Variants in UTP20 observed in about 807,000 individuals in gnomAD.
The protein encoded by UTP20 is small subunit processome component 20 homolog.
In UTP20, 164 loss-of-function variants were observed where a neutral mutation model predicts 329.5. That is an observed-to-expected ratio of 0.50 (90% confidence interval 0.44 to 0.57). UTP20 has a LOEUF of 0.57. UTP20 is among the 20% of genes least tolerant of loss of function. The pLI is 0.00. For missense variants in UTP20, 3,055 were observed against 3,284.2 expected (o/e 0.93, Z 1.71); for synonymous variants, 1,151 against 1,159.3 (o/e 0.99, Z 0.14).
chr12:101,304,152 A>C (rs1403702692), intron 15 of UTP20, among the ~76,000 whole-genome samples: 1 of 152,176 alleles, frequency 6.6e-6, no homozygotes, highest in Non-Finnish European at 1.5e-5. Context: ...TTTTGAGGGC[A>C]GGGGCATAAA....
intron 51 of UTP20, 66 bp downstream of exon 51, chr12:101,371,234 T>A: frequency 8.4e-7 from 1 of 1,184,816 alleles, no homozygotes; most frequent in South Asian, 1.5e-5. Flanking sequence ...GGCAGAGGTG[T>A]CAACACTGGC....
chr12:101,353,662 C>A (rs956812100), intron 40 of UTP20, among the ~76,000 whole-genome samples: 1 of 152,058 alleles, frequency 6.6e-6, no homozygotes, highest in Non-Finnish European at 1.5e-5. Context: ...CACCATAGCA[C>A]CACTGCCTTC....
intron 18 of UTP20, among the ~76,000 whole-genome samples, chr12:101,309,461 T>G (rs1235543272): frequency 6.6e-6 from 1 of 152,230 alleles, no homozygotes; most frequent in Non-Finnish European, 1.5e-5. Context: ...CAGCAACATT[T>G]GTTAGAAGGG....
At chr12:101,336,952 C>G in intron 29 of UTP20, among the ~76,000 whole-genome samples, 1 of 152,190 alleles carries the variant, frequency 6.6e-6, no homozygotes, top group East Asian at 1.9e-4. Flanking sequence ...ACTTTACTCG[C>G]AGTTGAAAGC....
At position 101,293,219 on chromosome 12, in the gene UTP20, A is replaced by T. The variant is rs1398770595; in HGVS notation, c.1225A>T (p.Met409Leu). 1.2e-6 allele frequency: 2 copies of T among 1,614,008 alleles called. No homozygotes were observed. The highest frequency in any genetic ancestry group is 2.7e-5 in the African/African-American group (2 of 74,948). The change falls in exon 11 of 62, where the codon ATG becomes TTG. Residue 409 changes from methionine (M) to leucine (L), a missense_variant. This residue lies in a region of UTP20 where 2,445 missense variants were observed against 2,575.5 expected (regional missense o/e 0.95). Transcript: ENST00000261637. Reference protein sequence around the residue: ...KRLIFSFSEVMFAMKQFEQLF... With the variant: ...KRLIFSFSEVLFAMKQFEQLF... ...TTTAATTTTCAGTTTTTCTGAAGTC[A>T]TGTTTGCCATGAAGCAGTTTGAGCA...
chr12:101,383,027 G>GTT lies in UTP20; in HGVS notation c.7657-6_7657-5dup. ...AATGTCCAATTTCTTCCCCCACCCC[G>GTT]TTTTTTTTTAAAGGTTGTTAAGAAT... On this transcript the variant is annotated splice_polypyrimidine_tract_variant and intron_variant, in intron 58 of 61. Transcript: ENST00000261637. 3 of 1,558,136 alleles carry GTT rather than the reference G, an allele frequency of 1.9e-6. No individual in the cohort carries two copies. The highest frequency in any genetic ancestry group is 2.0e-4 in the Middle Eastern group (1 of 5,046).
intron 15 of UTP20, among the ~76,000 whole-genome samples, chr12:101,303,972 A>G (rs559869512): frequency 6.6e-6 from 1 of 152,210 alleles, no homozygotes; most frequent in African/African-American, 2.4e-5. Context: ...TAAACTTCTC[A>G]TACTTTCACC....
At chr12:101,356,764 C>T (rs1869737151) in intron 42 of UTP20, 71 bp downstream of exon 42, 2 of 1,541,668 alleles carry the variant, frequency 1.3e-6, no homozygotes, top group Non-Finnish European at 1.7e-6. Context: ...ACTTTTGAGT[C>T]TCTTTTGTCA....
intron 25 of UTP20, among the ~76,000 whole-genome samples, chr12:101,322,609 C>A (rs773398407): frequency 1.3e-5 from 2 of 152,094 alleles, no homozygotes; most frequent in African/African-American, 2.4e-5. Flanking sequence ...TGGTCCAGCC[C>A]CCTACTGTGT....
intron 60 of UTP20, 49 bp downstream of exon 60, chr12:101,383,718 A>G (rs904776254): frequency 7.7e-6 from 11 of 1,424,712 alleles, no homozygotes; most frequent in South Asian, 1.8e-5. Flanking sequence ...GAGGATTTCT[A>G]ACTTCTCTCC....
chr12:101,326,396 C>A (rs1481627272), intron 25 of UTP20, among the ~76,000 whole-genome samples: 1 of 152,120 alleles, frequency 6.6e-6, no homozygotes, highest in African/African-American at 2.4e-5. Context: ...TATGAAACTT[C>A]ATAGCATAGA....
chr12:101,311,927 G>A lies in UTP20; in HGVS notation c.2312-109G>A, dbSNP rs558244376. On this transcript the variant is annotated intron_variant, in intron 20 of 61. Transcript: ENST00000261637. ...TATATTATCATGATAACTTTTGGGAGTGACATTCTTTCCTTACATTATAGA... is the reference window on the plus strand; with the variant it reads ...TATATTATCATGATAACTTTTGGGAATGACATTCTTTCCTTACATTATAGA... The A allele has an allele frequency of 5.6e-5, 88 of 1,562,620 alleles. No homozygotes were observed. In the African/African-American group the frequency reaches 1.1e-3, roughly 20 times the overall value.
At chr12:101,318,730 C>T (rs1277985611) in intron 22 of UTP20, among the ~76,000 whole-genome samples, 1 of 149,032 alleles carries the variant, frequency 6.7e-6, no homozygotes, top group Non-Finnish European at 1.5e-5. Context: ...ACTTGGGAGG[C>T]TGAGGTAAGA....
At position 101,280,148 on chromosome 12, in the gene UTP20, TCAA is replaced by T; in HGVS notation, c.-134_-132del. On this transcript the variant is annotated 5_prime_UTR_variant, in exon 1 of 62. Coordinates refer to ENST00000261637, the MANE Select transcript of UTP20 (RefSeq NM_014503.3). ...CTCCAACATGGCGGCGCCCAGGGGC[TCAA>T]GCCGCACGTGAGAAAGTCTGGGCAT... The T allele has an allele frequency of 8.3e-7, 1 of 1,206,876 alleles. No homozygotes were observed. 74.8% of individuals were successfully genotyped at this position (1,206,876 alleles called of 1,614,324 possible).
chr12:101,285,562 C>G lies in UTP20; in HGVS notation c.127-8C>G, dbSNP rs1271507907. 1 of 1,613,418 alleles carries G rather than the reference C, an allele frequency of 6.2e-7. No individual in the cohort carries two copies. The highest frequency in any genetic ancestry group is 1.1e-5 in the South Asian group (1 of 91,054). On this transcript the variant is annotated splice_region_variant and splice_polypyrimidine_tract_variant and intron_variant, in intron 2 of 61. Transcript: ENST00000261637. ...TATTTGATTAATGGACTGCTTTAAT[C>G]TTGACAGGAGGTTGAAACCTACTTT... is the stretch of plus-strand genomic sequence containing the variant.
intron 57 of UTP20, among the ~76,000 whole-genome samples, chr12:101,380,552 A>G (rs1408256067): frequency 6.6e-6 from 1 of 152,130 alleles, no homozygotes; most frequent in Non-Finnish European, 1.5e-5. Context: ...GGACTGTAGT[A>G]AAGTGCTCTA....
chr12:101,317,436 T>G (rs1435603758), intron 21 of UTP20, 42 bp from the exon 22 acceptor site: 4 of 1,597,174 alleles, frequency 2.5e-6, no homozygotes, highest in African/African-American at 2.7e-5. Context: ...CAGATTGGTG[T>G]GCGTTCTTCA....
chr12:101,374,566 A>T (rs1181304964), intron 54 of UTP20, among the ~76,000 whole-genome samples: 2 of 152,216 alleles, frequency 1.3e-5, no homozygotes, highest in Non-Finnish European at 2.9e-5. Flanking sequence ...GGAAAAAAAA[A>T]TTAAAGTATT....
At chr12:101,358,515 G>A (rs146576819) in intron 43 of UTP20, among the ~76,000 whole-genome samples, 319 of 152,204 alleles carry the variant, frequency 2.1e-3, no homozygotes, top group African/African-American at 7.1e-3. Context: ...TCATTTTGCC[G>A]TAGTCTAGAG....
Sources: gnomAD v4.1 joint callset for allele counts (sites outside exome capture counted in the v4.1 genomes callset) on GRCh38, gnomAD v4.1.1 for gene constraint, gnomAD v4.1.1 regional missense constraint, MANE v1.5 for transcripts, NCBI Gene and HGNC (gene_info 2026-07-23, HGNC 2026-07-21) for gene names.